Variants in AUTS2 observed in about 807,000 individuals in gnomAD.
AUTS2 encodes autism susceptibility gene 2 protein.
AUTS2 carries 17 observed loss-of-function variants against 112.4 expected under a neutral mutation model. The observed-to-expected ratio is 0.15, with a 90% CI of 0.10 to 0.23. The LOEUF (loss-of-function observed/expected upper bound fraction) is 0.23, where lower values mean the gene tolerates loss of function less well. Ranked by LOEUF, AUTS2 falls within the 10% of genes least tolerant of loss-of-function variation. AUTS2 has a pLI of 1.00. For missense variants in AUTS2, 1,510 were observed against 1,701.6 expected, an observed-to-expected ratio of 0.89 and a Z score of 1.98; for synonymous variants, 751 against 702.7, an observed-to-expected ratio of 1.07 and a Z score of -1.09.
chr7:70,719,906 G>A (rs1810574563), intron 6 of AUTS2, among the ~76,000 whole-genome samples: 1 of 152,160 alleles, frequency 6.6e-6, no homozygotes, highest in Non-Finnish European at 1.5e-5. Flanking sequence ...TTAGGATGAT[G>A]TTACTTAAGA....
chr7:70,750,480 A>G (rs1475934031), intron 6 of AUTS2, among the ~76,000 whole-genome samples: 2 of 80,752 alleles, frequency 2.5e-5, no homozygotes, highest in Non-Finnish European at 4.3e-5. Context: ...CTCCCACCTC[A>G]CCCTCCACCT....
chr7:70,531,845 C>G (rs548644989), intron 5 of AUTS2, among the ~76,000 whole-genome samples: 29 of 152,224 alleles, frequency 1.9e-4, no homozygotes, highest in African/African-American at 6.7e-4. Flanking sequence ...ACAAACCCCC[C>G]CAAAACTTAG....
At chr7:70,754,986 G>A (rs1364862245) in intron 6 of AUTS2, among the ~76,000 whole-genome samples, 2 of 152,204 alleles carry the variant, frequency 1.3e-5, no homozygotes, top group Non-Finnish European at 2.9e-5. Context: ...TGTACTTTGG[G>A]AGAGTTGGTT....
chr7:70,289,361 T>A (rs1298233389), intron 4 of AUTS2, among the ~76,000 whole-genome samples: 1 of 152,204 alleles, frequency 6.6e-6, no homozygotes, highest in Non-Finnish European at 1.5e-5. Flanking sequence ...AAAATTCTCT[T>A]CCATGTGCTC....
intron 5 of AUTS2, among the ~76,000 whole-genome samples, chr7:70,557,196 A>G (rs1477954306): frequency 6.6e-6 from 1 of 152,186 alleles, no homozygotes; most frequent in Non-Finnish European, 1.5e-5. Context: ...CTTTAATGCC[A>G]CATCTGGCTT....
chr7:69,724,490 T>C (rs965198159), intron 1 of AUTS2, among the ~76,000 whole-genome samples: 7 of 152,216 alleles, frequency 4.6e-5, no homozygotes, highest in Non-Finnish European at 8.8e-5. Context: ...GTACTGCTGT[T>C]GTCTTGTGCT....
At chr7:69,720,207 T>C (rs1798849193) in intron 1 of AUTS2, among the ~76,000 whole-genome samples, 1 of 152,252 alleles carries the variant, frequency 6.6e-6, no homozygotes. Flanking sequence ...CTGGTTGGTT[T>C]GGTAGAGTTG....
intron 1 of AUTS2, among the ~76,000 whole-genome samples, chr7:69,876,262 G>C (rs934947656): frequency 7.4e-6 from 1 of 135,260 alleles, no homozygotes; most frequent in Non-Finnish European, 1.5e-5. Flanking sequence ...GGAGGCAGAG[G>C]TTGCAGTGAG....
intron 5 of AUTS2, among the ~76,000 whole-genome samples, chr7:70,525,193 T>A (rs1799792559): frequency 6.6e-6 from 1 of 152,236 alleles, no homozygotes; most frequent in Non-Finnish European, 1.5e-5. Flanking sequence ...CGCCTTCAGC[T>A]CCTCTGCAGT....
intron 1 of AUTS2, among the ~76,000 whole-genome samples, chr7:69,660,370 T>C (rs995481771): frequency 5.3e-5 from 8 of 152,192 alleles, no homozygotes; most frequent in African/African-American, 1.9e-4. Context: ...TATAGACTTT[T>C]ATTTATTTAT....
At chr7:69,928,085 T>C (rs888576757) in intron 2 of AUTS2, among the ~76,000 whole-genome samples, 2 of 152,160 alleles carry the variant, frequency 1.3e-5, no homozygotes, top group African/African-American at 4.8e-5. Context: ...AGGAACTTTA[T>C]TGAGTGACAG....
chr7:69,990,581 T>C (rs1798706126), intron 2 of AUTS2, among the ~76,000 whole-genome samples: 1 of 152,132 alleles, frequency 6.6e-6, no homozygotes, highest in Admixed American at 6.6e-5. Context: ...AATGAAAATA[T>C]GAGTGTAACT....
intron 1 of AUTS2, among the ~76,000 whole-genome samples, chr7:69,797,300 T>C (rs923063639): frequency 3.3e-5 from 5 of 151,654 alleles, no homozygotes; most frequent in Admixed American, 1.3e-4. Context: ...CGTTTTCAGC[T>C]CCCCAAGCCA....
intron 1 of AUTS2, among the ~76,000 whole-genome samples, chr7:69,875,647 G>A (rs1363758682): frequency 2.0e-5 from 3 of 152,104 alleles, no homozygotes; most frequent in Non-Finnish European, 2.9e-5. Context: ...GAAAATGTTG[G>A]CGACTATAGA....
chr7:69,907,461 A>C (rs1311717368), intron 2 of AUTS2, among the ~76,000 whole-genome samples: 1 of 152,198 alleles, frequency 6.6e-6, no homozygotes, highest in Non-Finnish European at 1.5e-5. Context: ...TCCTTAAATA[A>C]AATGTTATAG....
At chr7:70,271,311 C>CT (rs1440868310) in intron 4 of AUTS2, among the ~76,000 whole-genome samples, 1 of 152,038 alleles carries the variant, frequency 6.6e-6, no homozygotes, top group Admixed American at 6.6e-5. Context: ...CTTTTTGCCC[C>CT]TTCCAAAGTC....
intron 1 of AUTS2, among the ~76,000 whole-genome samples, chr7:69,656,190 G>A (rs1795526759): frequency 6.6e-6 from 1 of 152,170 alleles, no homozygotes; most frequent in Non-Finnish European, 1.5e-5. Context: ...CTTCCCCAGT[G>A]TGTGGTGACC....
chr7:70,271,694 A>T (rs1011446838), intron 4 of AUTS2, among the ~76,000 whole-genome samples: 1 of 152,226 alleles, frequency 6.6e-6, no homozygotes, highest in Non-Finnish European at 1.5e-5. Flanking sequence ...CTTTCATCAA[A>T]GAAACACATC....
chr7:70,529,620 CCTT>C (rs1799997334), intron 5 of AUTS2, among the ~76,000 whole-genome samples: 2 of 152,236 alleles, frequency 1.3e-5, no homozygotes, highest in Admixed American at 1.3e-4. Context: ...CCCAGGCTGT[CCTT>C]CACGCTGCTG....
Sources: allele counts gnomAD v4.1 joint callset (sites outside exome capture counted in the v4.1 genomes callset), GRCh38; gene constraint gnomAD v4.1.1; transcripts MANE v1.5; gene names NCBI Gene and HGNC (gene_info 2026-07-23, HGNC 2026-07-21).